PCDHGA7: variants seen among roughly 807,000 people sequenced by gnomAD.
The protein encoded by PCDHGA7 is protocadherin gamma subfamily A, 7.
In PCDHGA7, 44 loss-of-function variants were observed where a neutral mutation model predicts 58.3. The ratio of observed to expected loss-of-function variants is 0.75; its 90% CI spans 0.59 to 0.97. The LOEUF is 0.97. PCDHGA7 is among the 50% of genes least tolerant of loss of function. The probability of loss-of-function intolerance (pLI) is 0.00; values close to 1 mark genes in which losing one functional copy is unlikely to be tolerated. For missense variants in PCDHGA7, 1,266 were observed against 1,188.7 expected (o/e 1.06, Z -0.96); for synonymous variants, 516 against 504.2 (o/e 1.02, Z -0.31).
chr5:141,463,500 G>A (rs866521006), intron 1 of PCDHGA7, among the ~76,000 whole-genome samples: 30 of 139,838 alleles, frequency 2.1e-4, no homozygotes, highest in African/African-American at 7.0e-4. Context: ...CCAGGCTGGA[G>A]TGACGTGGCG....
intron 1 of PCDHGA7, chr5:141,395,542 TTGTGTGTGTGTGTGTGTG>T (rs55729045): frequency 3.2e-4 from 55 of 172,630 alleles, no homozygotes; most frequent in Middle Eastern, 1.8e-3. Context: ...TTGCTATTGT[TTGTGTGTGTGTGTGTGTG>T]TGTGTGTGTG....
chr5:141,389,784 G>A (rs1380763543), intron 1 of PCDHGA7: 5 of 1,613,318 alleles, frequency 3.1e-6, no homozygotes, highest in Non-Finnish European at 4.2e-6. Flanking sequence ...AGGCGACAGG[G>A]ACGCCGTCCG....
intron 1 of PCDHGA7, among the ~76,000 whole-genome samples, chr5:141,435,017 C>T (rs1477938779): frequency 1.3e-5 from 2 of 151,994 alleles, no homozygotes; most frequent in Middle Eastern, 3.2e-3. Flanking sequence ...AATGATAATG[C>T]TCTTTTCCCA....
chr5:141,431,916 T>C lies in PCDHGA7; in HGVS notation c.2424+46593T>C, dbSNP rs2097428336. 1 of 1,614,056 alleles carries C rather than the reference T, an allele frequency of 6.2e-7. No homozygotes were observed. Among genetic ancestry groups the C allele is most frequent in the Middle Eastern group, 1.6e-4 (1 of 6,062 alleles). ...GAAAACGGACAGGTGATCTGTTTCA[T>C]CCAAGGAAATCTGCCCTTTAAATTA... On this transcript the variant is annotated intron_variant, in intron 1 of 3. Transcript: ENST00000518325. The surrounding 1 kb of genome is among the most constrained non-coding windows in gnomAD (Gnocchi z 4.8).
At chr5:141,474,323 C>T (rs1176074252) in intron 1 of PCDHGA7, among the ~76,000 whole-genome samples, 2 of 152,186 alleles carry the variant, frequency 1.3e-5, no homozygotes, top group Non-Finnish European at 2.9e-5. Context: ...GTTTTCAAAT[C>T]ACCCTGATGT....
chr5:141,438,635 TACACACACACACACAC>T (rs56854727), intron 1 of PCDHGA7, among the ~76,000 whole-genome samples: 7 of 33,414 alleles, frequency 2.1e-4, no homozygotes, highest in Non-Finnish European at 3.7e-4. Flanking sequence ...TATATATATA[TACACACACACACACAC>T]ATATATGTAT....
intron 1 of PCDHGA7, chr5:141,430,740 A>C (rs1485485180): frequency 5.3e-6 from 8 of 1,497,664 alleles, no homozygotes; most frequent in Non-Finnish European, 7.1e-6. Context: ...AATTGAAAAT[A>C]ATTCTGGAGG....
chr5:141,456,098 C>T (rs1222639126), intron 1 of PCDHGA7, among the ~76,000 whole-genome samples: 2 of 151,980 alleles, frequency 1.3e-5, no homozygotes, highest in Non-Finnish European at 2.9e-5. Flanking sequence ...GGGATTTCAC[C>T]GTGTTAGCCA....
intron 1 of PCDHGA7, chr5:141,430,598 T>G: frequency 1.7e-6 from 1 of 598,568 alleles, no homozygotes; most frequent in Non-Finnish European, 2.6e-6. Context: ...TGCACGCGCC[T>G]GAAGCACAAA....
At chr5:141,423,510 TGCGGACTC>T in intron 1 of PCDHGA7, 1 of 1,613,792 alleles carries the variant, frequency 6.2e-7, no homozygotes, top group South Asian at 1.1e-5. Context: ...TCTCTCTCAT[TGCGGACTC>T]GCAGAAGAGT....
chr5:141,443,183 TTCTC>T (rs2098370937), intron 1 of PCDHGA7, among the ~76,000 whole-genome samples: 1 of 152,184 alleles, frequency 6.6e-6, no homozygotes, highest in Non-Finnish European at 1.5e-5. Context: ...CACTGCATCA[TTCTC>T]TATAGTACAA....
At chr5:141,423,248 C>A in intron 1 of PCDHGA7, 1 of 1,613,888 alleles carries the variant, frequency 6.2e-7, no homozygotes, top group Non-Finnish European at 8.5e-7. Context: ...GAAGTCCTGG[C>A]GGACCTCGGC....
At chr5:141,448,215 C>T (rs927573458) in intron 1 of PCDHGA7, among the ~76,000 whole-genome samples, 5 of 152,046 alleles carry the variant, frequency 3.3e-5, no homozygotes, top group African/African-American at 9.7e-5. Flanking sequence ...TGTGTGTATG[C>T]GAATGTATGT....
At chr5:141,501,290 TACACACACACACACAC>T (rs55762287) in intron 2 of PCDHGA7, among the ~76,000 whole-genome samples, 7 of 136,164 alleles carry the variant, frequency 5.1e-5, no homozygotes, top group South Asian at 2.4e-4. Context: ...TATTCCCTTA[TACACACACACACACAC>T]ACACACACAC....
At chr5:141,469,629 C>T (rs933972587) in intron 1 of PCDHGA7, among the ~76,000 whole-genome samples, 1 of 152,070 alleles carries the variant, frequency 6.6e-6, no homozygotes, top group Admixed American at 6.6e-5. Context: ...GTTTGTAGTT[C>T]CAAAATATTT....
chr5:141,408,021 A>C (rs2095027284), intron 1 of PCDHGA7: 1 of 1,036,444 alleles, frequency 9.6e-7, no homozygotes, highest in Non-Finnish European at 1.3e-6. Context: ...AGCCAACAAC[A>C]GAAAGAAGAA....
At chr5:141,390,233 T>C (rs1388812754) in intron 1 of PCDHGA7, 1 of 1,614,068 alleles carries the variant, frequency 6.2e-7, no homozygotes, top group Non-Finnish European at 8.5e-7. Flanking sequence ...GTGATTCATC[T>C]GGGGCCTTAT....
At chr5:141,510,525 G>A (rs545854649) in intron 3 of PCDHGA7, among the ~76,000 whole-genome samples, 1 of 152,316 alleles carries the variant, frequency 6.6e-6, no homozygotes, top group African/African-American at 2.4e-5. Context: ...ACAGCCCTGA[G>A]AGAAATACCA....
chr5:141,419,870 G>C, intron 1 of PCDHGA7: 1 of 1,614,054 alleles, frequency 6.2e-7, no homozygotes, highest in Non-Finnish European at 8.5e-7. Context: ...CTTGCAAGAG[G>C]TACTGCCGGA....
Sources: gnomAD v4.1 joint callset for allele counts (sites outside exome capture counted in the v4.1 genomes callset) on GRCh38, gnomAD v4.1.1 for gene constraint, Gnocchi (gnomAD v3.1) non-coding constraint, MANE v1.5 for transcripts, NCBI Gene and HGNC (gene_info 2026-07-23, HGNC 2026-07-21) for gene names.